Variants in TTC39C observed in about 807,000 individuals in gnomAD.
TTC39C encodes tetratricopeptide repeat protein 39C.
Under a neutral mutation model 76.3 loss-of-function variants are expected in TTC39C, and 33 were observed. The observed-to-expected ratio is 0.43, with a 90% CI of 0.33 to 0.58. The LOEUF is 0.58. TTC39C is among the 20% of genes least tolerant of loss of function. TTC39C has a pLI of 0.04. For synonymous variants in TTC39C, 254 were observed against 260.6 expected (o/e 0.97, Z 0.24); for missense variants, 595 against 701.4 (o/e 0.85, Z 1.71).
intron 6 of TTC39C, among the ~76,000 whole-genome samples, chr18:24,090,000 C>A (rs888079217): frequency 6.6e-6 from 1 of 152,094 alleles, no homozygotes; most frequent in African/African-American, 2.4e-5. Context: ...ATTTTGTAAT[C>A]TTTATACATA....
Position 24,066,809 on chromosome 18 carries a change from G to A in TTC39C, c.345+669G>A, listed in dbSNP as rs1412009734. On this transcript the variant is annotated intron_variant, in intron 3 of 13. Coordinates refer to ENST00000317571, the MANE Select transcript of TTC39C (RefSeq NM_001135993.2). ...CTCTTGTTTATGGTGTCCACCATGA[G>A]AAAGCCACTGATGGGCCAAGTGTCC... Among the ~76,000 whole-genome samples, 6 of 152,208 alleles carry A rather than the reference G, an allele frequency of 3.9e-5. No homozygotes were observed. In the East Asian group the frequency reaches 9.6e-4, roughly 24 times the overall value.
intron 1 of TTC39C, among the ~76,000 whole-genome samples, chr18:24,007,796 A>G (rs1430007299): frequency 6.6e-6 from 1 of 152,202 alleles, no homozygotes; most frequent in African/African-American, 2.4e-5. Context: ...AATCATCTCT[A>G]TATGATGCAA....
intron 6 of TTC39C, among the ~76,000 whole-genome samples, chr18:24,083,967 C>T (rs566663240): frequency 1.7e-4 from 26 of 152,242 alleles, no homozygotes; most frequent in Non-Finnish European, 3.1e-4. Flanking sequence ...AGAAATCAGC[C>T]CCCATGAGTC....
Position 24,083,029 on chromosome 18 carries a change from A to T in TTC39C, c.932A>T (p.Tyr311Phe). The change falls in exon 6 of 14, where the codon TAT becomes TTT. Residue 311 changes from tyrosine (Y) to phenylalanine (F), a missense_variant. By Grantham distance (22) the Tyr-to-Phe change is conservative. Coordinates refer to ENST00000317571, the MANE Select transcript of TTC39C (RefSeq NM_001135993.2). ...KEILLKKEAA[Y>F]PNSSLFMFFK... ...ATTCTCCTTAAAAAAGAAGCTGCTT[A>T]TCCAAATTCTTCCCTCTTTATGTTT... The T allele has an allele frequency of 1.2e-6, 2 of 1,614,146 alleles. No homozygotes were observed. Among genetic ancestry groups the T allele is most frequent in the Non-Finnish European group, 1.7e-6 (2 of 1,179,996 alleles).
At chr18:24,023,942 ATAT>A (rs1568408621) in intron 1 of TTC39C, among the ~76,000 whole-genome samples, 24 of 17,860 alleles carry the variant, frequency 1.3e-3, no homozygotes, top group South Asian at 9.3e-3. Flanking sequence ...ACATATATAT[ATAT>A]GCATGTATAT....
At chr18:24,084,334 A>C (rs1302970118) in intron 6 of TTC39C, among the ~76,000 whole-genome samples, 1 of 151,510 alleles carries the variant, frequency 6.6e-6, no homozygotes, top group Non-Finnish European at 1.5e-5. Flanking sequence ...AAATACAATA[A>C]ACTAGCTGGG....
chr18:24,117,547 C>G (rs918322905), intron 7 of TTC39C, among the ~76,000 whole-genome samples: 1 of 151,886 alleles, frequency 6.6e-6, no homozygotes, highest in Non-Finnish European at 1.5e-5. Context: ...ACTAAAAATA[C>G]AAAAATCAGC....
At chr18:24,023,984 A>G (rs1420406813) in intron 1 of TTC39C, among the ~76,000 whole-genome samples, 14 of 5,710 alleles carry the variant, frequency 2.5e-3, no homozygotes, top group Non-Finnish European at 6.3e-3. Flanking sequence ...ATATATACAT[A>G]TATATATATA....
chr18:24,060,393 C>T (rs927792384), intron 1 of TTC39C, among the ~76,000 whole-genome samples: 1 of 141,580 alleles, frequency 7.1e-6, no homozygotes, highest in African/African-American at 2.6e-5. Flanking sequence ...TCTCGGCTCA[C>T]TGCAGCTTCT....
chr18:24,044,483 T>C (rs1038631078), intron 1 of TTC39C, among the ~76,000 whole-genome samples: 5 of 152,170 alleles, frequency 3.3e-5, no homozygotes, highest in Non-Finnish European at 7.4e-5. Context: ...TGCACCGCTT[T>C]TGCGGCAGTT....
At chr18:24,023,153 A>G (rs1345336384) in intron 1 of TTC39C, among the ~76,000 whole-genome samples, 1 of 152,158 alleles carries the variant, frequency 6.6e-6, no homozygotes, top group Non-Finnish European at 1.5e-5. Context: ...GCTGCCCTGT[A>G]GGAGCTCTGA....
chr18:24,014,955 G>A lies in TTC39C; in HGVS notation c.84G>A (p.Gln28=). 2.0e-6 allele frequency: 3 copies of A among 1,529,966 alleles called. No homozygotes were observed. The highest frequency in any genetic ancestry group is 2.6e-6 in the Non-Finnish European group (3 of 1,138,500). The allele number at this position is 1,529,966 out of a possible 1,614,324, so 94.8% of individuals were successfully genotyped here. A position where few individuals can be genotyped will look rare whatever the true frequency, so the allele number is the denominator to read the frequency against. Residue 28 remains glutamine, a synonymous_variant, in exon 1 of 14, where the codon CAG becomes CAA. Coordinates refer to ENST00000317571, the MANE Select transcript of TTC39C (RefSeq NM_001135993.2). ...DAAAAAAAPL[Q]DAELALAGIN... ...CAGCGGCGGCGGCGGCGCCCCTGCA[G>A]GACGCGGAGCTGGCCCTGGCCGGCA...
chr18:24,124,325 C>T (rs2085018563), intron 9 of TTC39C: 1 of 155,128 alleles, frequency 6.4e-6, no homozygotes, highest in South Asian at 2.0e-4. Flanking sequence ...ACTATACGTT[C>T]TGCAGAGCTA....
chr18:24,030,620 A>C (rs1484779003), intron 1 of TTC39C, among the ~76,000 whole-genome samples: 2 of 144,122 alleles, frequency 1.4e-5, no homozygotes, highest in African/African-American at 5.1e-5. Context: ...CCTTAATCCT[A>C]ATTCTCTCAA....
At chr18:24,020,189 A>G (rs555160507) in intron 1 of TTC39C, 1 of 1,155,562 alleles carries the variant, frequency 8.7e-7, no homozygotes, top group East Asian at 4.6e-5. Flanking sequence ...GACTTTTTCC[A>G]TCCTCTTCAA....
At chr18:24,089,938 T>C (rs1187995217) in intron 6 of TTC39C, among the ~76,000 whole-genome samples, 3 of 152,194 alleles carry the variant, frequency 2.0e-5, no homozygotes, top group Non-Finnish European at 4.4e-5. Flanking sequence ...TTAAGCAATG[T>C]CATAAAAGTA....
intron 1 of TTC39C, among the ~76,000 whole-genome samples, chr18:24,062,552 C>T (rs1293284566): frequency 6.6e-6 from 1 of 152,098 alleles, no homozygotes; most frequent in Non-Finnish European, 1.5e-5. Flanking sequence ...AGGAGTGTGC[C>T]GTTTGATCTA....
intron 6 of TTC39C, among the ~76,000 whole-genome samples, chr18:24,089,950 C>G (rs1178364068): frequency 6.6e-6 from 1 of 152,042 alleles, no homozygotes; most frequent in Non-Finnish European, 1.5e-5. Context: ...ATAAAAGTAA[C>G]CTAGTGATAA....
At chr18:24,024,009 TATATA>T (rs2083563866) in intron 1 of TTC39C, among the ~76,000 whole-genome samples, 3 of 24,250 alleles carry the variant, frequency 1.2e-4, no homozygotes, top group Admixed American at 6.2e-4. Flanking sequence ...TATATATATA[TATATA>T]TATTTTTTTT....
Sources: gnomAD v4.1 joint callset for allele counts (sites outside exome capture counted in the v4.1 genomes callset) on GRCh38, gnomAD v4.1.1 for gene constraint, MANE v1.5 for transcripts, NCBI Gene and HGNC (gene_info 2026-07-23, HGNC 2026-07-21) for gene names.